LRRC27: variants seen among roughly 807,000 people sequenced by gnomAD.
LRRC27 encodes leucine-rich repeat-containing protein 27.
LRRC27 carries 57 observed loss-of-function variants against 55.0 expected under a neutral mutation model. The observed-to-expected ratio is 1.04, with a 90% CI of 0.84 to 1.29. The LOEUF is 1.29. LRRC27 is among the 50% of genes most tolerant of loss of function. The pLI is 0.00. For missense variants in LRRC27, 721 were observed against 651.5 expected (o/e 1.11, Z -1.16); for synonymous variants, 278 against 251.9 (o/e 1.10, Z -0.98).
intron 7 of LRRC27, chr10:132,353,329 A>G (rs1428368583): frequency 1.6e-5 from 18 of 1,126,072 alleles, no homozygotes; most frequent in Non-Finnish European, 2.0e-5. Context: ...TGACTGGCAC[A>G]GGGCTCTTGC....
At chr10:132,355,720 G>A (rs1315441263) in intron 7 of LRRC27, 70 bp from the exon 8 acceptor site, 36 of 1,187,190 alleles carry the variant, frequency 3.0e-5, no homozygotes, top group Non-Finnish European at 4.4e-5. Flanking sequence ...GCTGTAGAAT[G>A]ACAGAGGAAT....
intron 9 of LRRC27, among the ~76,000 whole-genome samples, chr10:132,364,470 CTTA>C (rs2068866235): frequency 8.5e-6 from 1 of 117,894 alleles, no homozygotes; most frequent in Non-Finnish European, 1.8e-5. Context: ...CCCACCCACA[CTTA>C]CACCCACCCA....
chr10:132,343,871 G>C (rs1320237624), intron 4 of LRRC27, among the ~76,000 whole-genome samples: 1 of 152,216 alleles, frequency 6.6e-6, no homozygotes, highest in East Asian at 1.9e-4. Flanking sequence ...TGAGCCTGGG[G>C]AGTGAGCCAG....
Position 132,375,335 on chromosome 10 carries a change from G to A in LRRC27, c.*93G>A, listed in dbSNP as rs536580358. On this transcript the variant is annotated 3_prime_UTR_variant, in exon 11 of 11. Transcript: ENST00000368614. ...GCCTCCTGTGTGGTGCCGGAAGAGC[G>A]CCAGGTTCAGTGTTACCCTGAGGGC... The A allele has an allele frequency of 1.3e-4, 155 of 1,226,872 alleles. 1 individual carries two copies. In the South Asian group the frequency reaches 2.0e-3, roughly 16 times the overall value. 76.0% of individuals were successfully genotyped at this position (1,226,872 alleles called of 1,614,324 possible).
At chr10:132,363,482 G>A (rs1003252264) in intron 9 of LRRC27, among the ~76,000 whole-genome samples, 3 of 152,096 alleles carry the variant, frequency 2.0e-5, no homozygotes, top group African/African-American at 4.8e-5. Context: ...CATTTCCCAT[G>A]CCGACTCTTC....
At chr10:132,341,916 G>A (rs1260490671) in intron 3 of LRRC27, among the ~76,000 whole-genome samples, 2 of 152,192 alleles carry the variant, frequency 1.3e-5, no homozygotes, top group African/African-American at 4.8e-5. Flanking sequence ...CACGCCTGGG[G>A]GTGGGTGGTA....
In LRRC27 at chr10:132,380,197, G is replaced by A. The variant is rs2069393365; in HGVS notation, c.*4955G>A. Among the ~76,000 whole-genome samples, 1 of 152,066 alleles carries A rather than the reference G, an allele frequency of 6.6e-6. No homozygotes were observed. The stretch of plus-strand genomic sequence containing the variant: ...TGTAACTCCAGCTACTTGGGAGGCT[G>A]AGGCAGGAGAATCACTTGAACCCGG... On this transcript the variant is annotated 3_prime_UTR_variant, in exon 11 of 11. Transcript: ENST00000368614.
intron 5 of LRRC27, among the ~76,000 whole-genome samples, chr10:132,347,699 G>T (rs546385501): frequency 6.7e-6 from 1 of 148,250 alleles, no homozygotes; most frequent in Non-Finnish European, 1.5e-5. Context: ...CCTGCGGGGA[G>T]GGTCAGGTGC....
At chr10:132,344,371 G>C (rs2698779) in intron 4 of LRRC27, 127 bp from the exon 5 acceptor site, 1 of 1,007,878 alleles carries the variant, frequency 9.9e-7, no homozygotes, top group African/African-American at 1.6e-5. Flanking sequence ...ATCTGTTAAC[G>C]TGATTTTCCC....
chr10:132,359,656 C>T (rs1369152895), intron 8 of LRRC27, among the ~76,000 whole-genome samples: 1 of 152,246 alleles, frequency 6.6e-6, no homozygotes, highest in Non-Finnish European at 1.5e-5. Context: ...ACCCCAAGTA[C>T]ATTCGATGGG....
At chr10:132,334,219 G>C (rs12767143) in intron 2 of LRRC27, among the ~76,000 whole-genome samples, 58,193 of 152,090 alleles carry the variant, frequency 0.38, 11,376 homozygotes, top group African/African-American at 0.42. Context: ...GAGGGCACAG[G>C]TTTGATGTTA....
chr10:132,331,938 C>G, upstream of LRRC27: 1 of 511,244 alleles, frequency 2.0e-6, no homozygotes, highest in Non-Finnish European at 3.1e-6. Context: ...CAAGCGCAAC[C>G]CCCCGCCCCA....
At chr10:132,364,623 C>T in intron 9 of LRRC27, among the ~76,000 whole-genome samples, 1 of 99,226 alleles carries the variant, frequency 1.0e-5, no homozygotes, top group East Asian at 3.1e-4. Context: ...TTACATCTAC[C>T]TCCACGCCCA....
chr10:132,358,721 C>CG (rs2068446209), intron 8 of LRRC27, among the ~76,000 whole-genome samples: 3 of 59,284 alleles, frequency 5.1e-5, no homozygotes, highest in Admixed American at 2.1e-4. Context: ...GGGGAGGAGC[C>CG]AAGGTGGTGG....
chr10:132,331,493 G>C, upstream of LRRC27: 2 of 1,612,856 alleles, frequency 1.2e-6, no homozygotes, highest in Non-Finnish European at 8.5e-7. Context: ...TCTCCAAAGA[G>C]GACGCTCTGA....
rs562416574 is a variant in LRRC27, at chr10:132,348,249, G to A, written c.819G>A (p.Val273=). 6.2e-7 allele frequency: 1 copy of A among 1,614,098 alleles called. No homozygotes were observed. Among genetic ancestry groups the A allele is most frequent in the African/African-American group, 1.3e-5 (1 of 75,062 alleles). The change falls in exon 6 of 11, where the codon GTG becomes GTA. Residue 273 remains valine, a synonymous_variant. Transcript: ENST00000368614. The surrounding 1 kb of genome is among the most constrained non-coding windows in gnomAD (Gnocchi z 4.2). ...WKLRQEIVEH[V]KADVLGDQLL... is the part of the protein sequence containing the mutation. Reference sequence around the variant, plus strand: ...TGAGGCAGGAGATTGTTGAGCACGTGAAGGCAGACGTTCTGGGAGATCAGC... The same window carrying A: ...TGAGGCAGGAGATTGTTGAGCACGTAAAGGCAGACGTTCTGGGAGATCAGC...
chr10:132,360,539 G>C (rs891672727), intron 8 of LRRC27, among the ~76,000 whole-genome samples: 1 of 152,154 alleles, frequency 6.6e-6, no homozygotes, highest in African/African-American at 2.4e-5. Context: ...TGGGGTGGGA[G>C]GGATAGGAAA....
At chr10:132,359,047 G>A (rs1375599222) in intron 8 of LRRC27, among the ~76,000 whole-genome samples, 2 of 56,036 alleles carry the variant, frequency 3.6e-5, no homozygotes, top group Non-Finnish European at 8.0e-5. Flanking sequence ...GGAGCAGTGT[G>A]GGGAGGAGCC....
chr10:132,356,047 G>GGTGGGTGCTCAC (rs1439165315), intron 8 of LRRC27, among the ~76,000 whole-genome samples, 161 bp downstream of exon 8: 7 of 152,156 alleles, frequency 4.6e-5, no homozygotes, highest in Non-Finnish European at 8.8e-5. Flanking sequence ...ACTTGGGGAG[G>GGTGGGTGCTCAC]AAGCTGCCTG....
Sources: gnomAD v4.1 joint callset for allele counts (sites outside exome capture counted in the v4.1 genomes callset) on GRCh38, gnomAD v4.1.1 for gene constraint, Gnocchi (gnomAD v3.1) non-coding constraint, MANE v1.5 for transcripts, NCBI Gene and HGNC (gene_info 2026-07-23, HGNC 2026-07-21) for gene names.